The following NME9 variants were observed in gnomAD, a reference collection of about 807,000 sequenced individuals.
The protein encoded by NME9 is thioredoxin domain-containing protein 6.
Under a neutral mutation model 44.4 loss-of-function variants are expected in NME9, and 48 were observed. The observed-to-expected ratio is 1.08, with a 90% CI of 0.86 to 1.37. The LOEUF (loss-of-function observed/expected upper bound fraction) is 1.37, where lower values mean the gene tolerates loss of function less well. Ranked by LOEUF, NME9 falls within the 40% of genes most tolerant of loss-of-function variation. The probability of loss-of-function intolerance (pLI) is 0.00; values close to 1 mark genes in which losing one functional copy is unlikely to be tolerated. For missense variants in NME9, 325 were observed against 405.2 expected, an observed-to-expected ratio of 0.80 and a Z score of 1.70; for synonymous variants, 139 against 147.1, an observed-to-expected ratio of 0.94 and a Z score of 0.40.
At chr3:138,295,724 C>A in intron 8 of NME9, 1 of 835,988 alleles carries the variant, frequency 1.2e-6, no homozygotes, top group Non-Finnish European at 1.9e-6. Context: ...AAGGTAGGTG[C>A]CCACCTGGGC....
intron 8 of NME9, among the ~76,000 whole-genome samples, chr3:138,277,571 T>A (rs1343200744): frequency 6.6e-6 from 1 of 152,042 alleles, no homozygotes; most frequent in African/African-American, 2.4e-5. Flanking sequence ...AACATAAAAC[T>A]GAAAAAACAA....
intron 8 of NME9, among the ~76,000 whole-genome samples, chr3:138,278,190 A>T (rs2049493256): frequency 6.6e-6 from 1 of 152,142 alleles, no homozygotes; most frequent in Non-Finnish European, 1.5e-5. Context: ...TGCTGACTGT[A>T]CTGGTGGTTT....
At chr3:138,303,000 C>T (rs2051950138) in intron 10 of NME9, among the ~76,000 whole-genome samples, 1 of 152,238 alleles carries the variant, frequency 6.6e-6, no homozygotes, top group African/African-American at 2.4e-5. Context: ...TGTCCGAATG[C>T]TTCCCATGAA....
chr3:138,318,312 C>G, intron 3 of NME9, 93 bp from the exon 4 acceptor site: 1 of 814,228 alleles, frequency 1.2e-6, no homozygotes, highest in Non-Finnish European at 2.2e-6. Context: ...TGAACACCCC[C>G]AGGACTGACT....
At chr3:138,309,485 G>A (rs960570687) in intron 6 of NME9, among the ~76,000 whole-genome samples, 8 of 152,098 alleles carry the variant, frequency 5.3e-5, no homozygotes, top group African/African-American at 1.9e-4. Context: ...AGGAGATCAA[G>A]ACCAACCTGG....
intron 8 of NME9, chr3:138,263,813 T>C: frequency 6.2e-7 from 1 of 1,613,944 alleles, no homozygotes; most frequent in Non-Finnish European, 8.5e-7. Flanking sequence ...TGCGGTTAGC[T>C]GCCGTCAGGT....
At chr3:138,316,673 G>A (rs1376225787) in intron 4 of NME9, among the ~76,000 whole-genome samples, 1 of 152,048 alleles carries the variant, frequency 6.6e-6, no homozygotes, top group African/African-American at 2.4e-5. Flanking sequence ...GGAGTTCAAT[G>A]GTGTGGTCTC....
intron 8 of NME9, among the ~76,000 whole-genome samples, chr3:138,278,083 G>T (rs1338369801): frequency 6.6e-6 from 1 of 152,148 alleles, no homozygotes; most frequent in Non-Finnish European, 1.5e-5. Context: ...ACAAATCAAA[G>T]GTATCCAAGC....
At chr3:138,263,730 T>C (rs762997332) in intron 8 of NME9, 3 of 1,612,218 alleles carry the variant, frequency 1.9e-6, no homozygotes, top group South Asian at 1.1e-5. Context: ...CATTAACCTT[T>C]TTCTCCAGAT....
chr3:138,310,999 A>T (rs1290303910), intron 6 of NME9, among the ~76,000 whole-genome samples: 1 of 152,164 alleles, frequency 6.6e-6, no homozygotes, highest in Admixed American at 6.5e-5. Context: ...AAAATCAACG[A>T]AACTTTAGCT....
At chr3:138,304,099 C>T (rs2052050161) in intron 9 of NME9, among the ~76,000 whole-genome samples, 1 of 152,168 alleles carries the variant, frequency 6.6e-6, no homozygotes, top group South Asian at 2.1e-4. Context: ...GAGATATATA[C>T]ATGTATGTAT....
At chr3:138,324,838 G>A in intron 2 of NME9, 35 bp downstream of exon 2, 1 of 1,493,414 alleles carries the variant, frequency 6.7e-7, no homozygotes, top group South Asian at 1.1e-5. Flanking sequence ...ATTTAGAAAA[G>A]AATGGATCTA....
chr3:138,324,815 A>C, intron 2 of NME9, 58 bp downstream of exon 2: 1 of 1,341,616 alleles, frequency 7.5e-7, no homozygotes, highest in Non-Finnish European at 1.1e-6. Context: ...ATGGTTCATC[A>C]CACCATTTAA....
intron 8 of NME9, among the ~76,000 whole-genome samples, chr3:138,277,440 A>G (rs1389104716): frequency 1.3e-5 from 2 of 152,220 alleles, no homozygotes; most frequent in Non-Finnish European, 2.9e-5. Context: ...CGTGAAATGC[A>G]CTGTTAAGAG....
At chr3:138,325,034 C>A (rs2053693837) in intron 1 of NME9, 104 bp from the exon 2 acceptor site, 2 of 899,908 alleles carry the variant, frequency 2.2e-6, no homozygotes, top group African/African-American at 3.3e-5. Context: ...GAAATACTTA[C>A]AAGTACAGTT....
chr3:138,292,229 A>G (rs1301202843), intron 8 of NME9, among the ~76,000 whole-genome samples: 1 of 151,978 alleles, frequency 6.6e-6, no homozygotes, highest in Non-Finnish European at 1.5e-5. Context: ...TAGTAGAGAC[A>G]GGGTTTTACC....
chr3:138,301,727 T>C (rs780808589), intron 10 of NME9, 23 bp from the exon 11 acceptor site: 12 of 1,528,018 alleles, frequency 7.9e-6, no homozygotes, highest in Middle Eastern at 1.7e-4. Flanking sequence ...AGATGTTTGG[T>C]AGGACTCCTG....
At chr3:138,315,110 G>T (rs1393288205) in intron 5 of NME9, among the ~76,000 whole-genome samples, 1 of 152,180 alleles carries the variant, frequency 6.6e-6, no homozygotes, top group Non-Finnish European at 1.5e-5. Flanking sequence ...CTAGGTTAAA[G>T]AAATGAGCCC....
intron 8 of NME9, among the ~76,000 whole-genome samples, chr3:138,270,286 G>C (rs1167752822): frequency 6.6e-6 from 1 of 152,104 alleles, no homozygotes; most frequent in East Asian, 1.9e-4. Flanking sequence ...GACCTAGAAG[G>C]CTTAGTATTA....
Sources: allele counts gnomAD v4.1 joint callset (sites outside exome capture counted in the v4.1 genomes callset), GRCh38; gene constraint gnomAD v4.1.1; transcripts MANE v1.5; gene names NCBI Gene and HGNC (gene_info 2026-07-23, HGNC 2026-07-21).